The following HPF1 variants were observed in gnomAD, a reference collection of about 807,000 sequenced individuals.
HPF1 encodes histone PARylation factor 1, also known as UPF0609 protein C4orf27.
A neutral mutation model predicts 38.8 loss-of-function variants in HPF1; 35 were observed. That is an observed-to-expected ratio of 0.90 (90% CI 0.69 to 1.19). HPF1 has a LOEUF of 1.19. Among genes scored for constraint, HPF1 ranks in the 50% most tolerant of loss-of-function variants. The pLI, the probability that HPF1 is intolerant of heterozygous loss-of-function variation, is 0.00. For missense variants in HPF1, 367 were observed against 405.8 expected (o/e 0.90, Z 0.82); for synonymous variants, 115 against 139.2 (o/e 0.83, Z 1.22).
rs181544562 is a variant in HPF1 at position 169,734,008 on chromosome 4, T to C, written c.737-2132A>G. ...GTTCAGTCTTGACGACAGTACAGAA[T>C]ACATGCTGTTACCCCAGTCACAAAA... On this transcript the variant is annotated intron_variant, in intron 6 of 7. Coordinates refer to ENST00000393381, the MANE Select transcript of HPF1 (RefSeq NM_017867.3). Among the ~76,000 whole-genome samples, 110 of 152,288 alleles carry C rather than the reference T, an allele frequency of 7.2e-4. 1 individual carries two copies. The highest frequency in any genetic ancestry group is 6.5e-3 in the Admixed American group (100 of 15,302).
At chr4:169,746,013 TA>T (rs1217275197) in intron 4 of HPF1, among the ~76,000 whole-genome samples, 1 of 151,926 alleles carries the variant, frequency 6.6e-6, no homozygotes, top group African/African-American at 2.4e-5. Context: ...TTTAGGAAAA[TA>T]AATAAGGCAG....
At chr4:169,736,469 C>T (rs574836861) in intron 6 of HPF1, among the ~76,000 whole-genome samples, 1 of 152,202 alleles carries the variant, frequency 6.6e-6, no homozygotes, top group South Asian at 2.1e-4. Flanking sequence ...CAGCCACATT[C>T]GTCTTCCCTA....
At chr4:169,757,717 C>T (rs1328331896) in intron 1 of HPF1, 113 bp downstream of exon 1, 1 of 1,082,686 alleles carries the variant, frequency 9.2e-7, no homozygotes, top group African/African-American at 1.6e-5. Context: ...ACCGCAGCCC[C>T]TGGACACACA....
At chr4:169,735,891 A>G (rs1733885499) in intron 6 of HPF1, among the ~76,000 whole-genome samples, 1 of 150,712 alleles carries the variant, frequency 6.6e-6, no homozygotes, top group Admixed American at 6.6e-5. Flanking sequence ...TTTTTCCAGT[A>G]TCCACATGAA....
chr4:169,749,642 G>C (rs1229605770), intron 3 of HPF1, among the ~76,000 whole-genome samples: 1 of 149,120 alleles, frequency 6.7e-6, no homozygotes, highest in East Asian at 2.0e-4. Context: ...AAGTTTCTTA[G>C]GAATATCTAT....
chr4:169,740,329 A>G (rs1388927305), intron 5 of HPF1, among the ~76,000 whole-genome samples: 16 of 152,240 alleles, frequency 1.1e-4, no homozygotes, highest in Admixed American at 1.0e-3. Flanking sequence ...AAATAGGATA[A>G]TTCCAACTTT....
intron 6 of HPF1, among the ~76,000 whole-genome samples, chr4:169,732,884 G>A (rs1001662569): frequency 5.9e-5 from 9 of 152,156 alleles, no homozygotes; most frequent in African/African-American, 2.2e-4. Flanking sequence ...GAAATATACA[G>A]GAGGATGTGC....
chr4:169,748,325 G>A (rs555045920), intron 4 of HPF1, among the ~76,000 whole-genome samples: 1 of 151,976 alleles, frequency 6.6e-6, no homozygotes, highest in East Asian at 1.9e-4. Context: ...CAAAAGTCAT[G>A]GAAATTATCT....
Position 169,753,365 on chromosome 4 carries a change from C to T in HPF1, c.208+311G>A, listed in dbSNP as rs115520844. On this transcript the variant is annotated intron_variant, in intron 2 of 7. Transcript: ENST00000393381. ...TCTATGTTTTAGAGACGGGGTCTTG[C>T]TCTGTCACTGAGGCTGGAGTGATCA... 4.0e-3 allele frequency among the ~76,000 whole-genome samples: 612 copies of T among 152,286 alleles called. 3 individuals are homozygous for T. Among genetic ancestry groups the T allele is most frequent in the African/African-American group, 0.014 (585 of 41,556 alleles).
At chr4:169,746,678 A>G (rs1315549680) in intron 4 of HPF1, among the ~76,000 whole-genome samples, 1 of 152,072 alleles carries the variant, frequency 6.6e-6, no homozygotes, top group Non-Finnish European at 1.5e-5. Context: ...ATAAATTTTA[A>G]AATATATAAA....
intron 2 of HPF1, among the ~76,000 whole-genome samples, chr4:169,752,347 A>G (rs1734131028): frequency 1.3e-5 from 2 of 151,942 alleles, no homozygotes; most frequent in African/African-American, 4.8e-5. Flanking sequence ...AGGCATGACT[A>G]TTTTTAAAGA....
At chr4:169,757,426 A>G (rs1024840180) in intron 1 of HPF1, among the ~76,000 whole-genome samples, 3 of 152,186 alleles carry the variant, frequency 2.0e-5, no homozygotes, top group Admixed American at 6.5e-5. Context: ...AAGTCACAGT[A>G]GAATGCATAT....
At chr4:169,749,662 T>C (rs1734093575) in intron 3 of HPF1, among the ~76,000 whole-genome samples, 1 of 145,964 alleles carries the variant, frequency 6.9e-6, no homozygotes. Flanking sequence ...TGATAAATCT[T>C]ATATAATGGA....
chr4:169,749,720 CAA>C (rs11413826), intron 3 of HPF1, among the ~76,000 whole-genome samples: 5 of 127,288 alleles, frequency 3.9e-5, no homozygotes, highest in African/African-American at 6.0e-5. Context: ...TACTCAAATA[CAA>C]AAAAAAAAAA....
Position 169,750,644 on chromosome 4 carries a change from G to A in HPF1, c.290C>T (p.Ser97Leu), listed in dbSNP as rs374726160. 12 of 1,613,656 alleles carry A rather than the reference G, an allele frequency of 7.4e-6. No homozygotes were observed. Among genetic ancestry groups the A allele is most frequent in the Non-Finnish European group, 1.0e-5 (12 of 1,179,828 alleles). The change falls in exon 3 of 8, where the codon TCA becomes TTA. Residue 97 changes from serine to leucine, a missense_variant. Coordinates refer to ENST00000393381, the MANE Select transcript of HPF1 (RefSeq NM_017867.3). ...GTGAAGGTTAAAATTCAGGCCTGTT[G>A]ATTTTTTCTTCGTTTTATGTTTTCC... ...LAGKHKTKKK[S>L]TGLNFNLHWR... is the part of the protein sequence containing the mutation.
chr4:169,731,989 C>T, intron 6 of HPF1, 113 bp from the exon 7 acceptor site: 1 of 786,482 alleles, frequency 1.3e-6, no homozygotes. Context: ...TGTACTAATA[C>T]AACTTGTGCC....
At chr4:169,746,352 T>TTA (rs1483076146) in intron 4 of HPF1, among the ~76,000 whole-genome samples, 1 of 152,202 alleles carries the variant, frequency 6.6e-6, no homozygotes, top group African/African-American at 2.4e-5. Flanking sequence ...CTTCACATAG[T>TTA]ACCTGACAAT....
At chr4:169,742,636 C>CA (rs936634129) in intron 4 of HPF1, among the ~76,000 whole-genome samples, 18 of 152,172 alleles carry the variant, frequency 1.2e-4, no homozygotes, top group South Asian at 2.1e-4. Context: ...ACTAAAAATA[C>CA]AAAAAATTAG....
intron 4 of HPF1, among the ~76,000 whole-genome samples, chr4:169,745,711 T>G (rs1359181105): frequency 6.6e-6 from 1 of 152,200 alleles, no homozygotes; most frequent in Non-Finnish European, 1.5e-5. Flanking sequence ...CTATGTCGTT[T>G]AGGATGAACT....
Sources: allele counts gnomAD v4.1 joint callset (sites outside exome capture counted in the v4.1 genomes callset), GRCh38; gene constraint gnomAD v4.1.1; transcripts MANE v1.5; gene names NCBI Gene and HGNC (gene_info 2026-07-23, HGNC 2026-07-21).